SLC35D2: variants seen among roughly 807,000 people sequenced by gnomAD.
The protein encoded by SLC35D2 is solute carrier family 35 member D2.
Under a neutral mutation model 41.8 loss-of-function variants are expected in SLC35D2, and 43 were observed. That is an observed-to-expected ratio of 1.03 (90% CI 0.81 to 1.33). SLC35D2 has a LOEUF of 1.33. Ranked by LOEUF, SLC35D2 falls within the 40% of genes most tolerant of loss-of-function variation. SLC35D2 has a pLI of 0.00. For missense variants in SLC35D2, 380 were observed against 408.4 expected (o/e 0.93, Z 0.60); for synonymous variants, 150 against 163.9 (o/e 0.92, Z 0.65).
In SLC35D2 at chr9:96,358,761, G is replaced by A. The variant is rs151301066; in HGVS notation, c.347+1393C>T. Reference sequence around the variant, plus strand: ...CCAAGTACTTTGGGAGGCCAAGACAGGCAGATTACTTGAGGTCAGGAGTTC... The same window carrying A: ...CCAAGTACTTTGGGAGGCCAAGACAAGCAGATTACTTGAGGTCAGGAGTTC... On this transcript the variant is annotated intron_variant, in intron 4 of 11. Coordinates refer to ENST00000253270, the MANE Select transcript of SLC35D2 (RefSeq NM_007001.3). Among the ~76,000 whole-genome samples, 38 of 152,258 alleles carry A rather than the reference G, an allele frequency of 2.5e-4. No individual in the cohort carries two copies. In the East Asian group the frequency reaches 5.6e-3, roughly 22 times the overall value.
At chr9:96,317,897 G>C (rs1426191937), downstream of SLC35D2, among the ~76,000 whole-genome samples, 6 of 150,428 alleles carry the variant, frequency 4.0e-5, no homozygotes, top group East Asian at 1.2e-3. Context: ...GCCAGGCGTA[G>C]TGGCGTACGC....
In SLC35D2 at chr9:96,321,207, G is replaced by T; in HGVS notation, c.*35C>A. The T allele has an allele frequency of 6.6e-7, 1 of 1,517,750 alleles. No homozygotes were observed. Among genetic ancestry groups the T allele is most frequent in the Non-Finnish European group, 9.1e-7 (1 of 1,095,186 alleles). 94.0% of individuals were successfully genotyped at this position (1,517,750 alleles called of 1,614,324 possible). A position where few individuals can be genotyped will look rare whatever the true frequency, so the allele number is the denominator to read the frequency against. ...ACTGGGAATGCCCCCCCAGCCCGCA[G>T]TCACAAGTCAGTCTCCAATCCTGCT... On this transcript the variant is annotated 3_prime_UTR_variant, in exon 12 of 12. Transcript: ENST00000253270.
intron 11 of SLC35D2, 99 bp downstream of exon 11, chr9:96,321,899 G>A (rs2026002): frequency 0.14 from 94,733 of 701,358 alleles, 7,667 homozygotes; most frequent in East Asian, 0.25. Context: ...CTGGCTTAAC[G>A]TGAAAGACTT....
intron 7 of SLC35D2, among the ~76,000 whole-genome samples, chr9:96,344,220 AT>A: frequency 6.6e-6 from 1 of 152,212 alleles, no homozygotes; most frequent in South Asian, 2.1e-4. Context: ...GAGAAAACGC[AT>A]GGCAGTGGGA....
At chr9:96,331,032 G>A (rs1359280654) in intron 9 of SLC35D2, among the ~76,000 whole-genome samples, 1 of 152,176 alleles carries the variant, frequency 6.6e-6, no homozygotes, top group Non-Finnish European at 1.5e-5. Flanking sequence ...CAAGTACCTT[G>A]GATTACAGGG....
chr9:96,316,504 G>T (rs548262808), downstream of SLC35D2, among the ~76,000 whole-genome samples: 11 of 151,600 alleles, frequency 7.3e-5, no homozygotes, highest in South Asian at 1.7e-3. Flanking sequence ...AAAAAAAAAG[G>T]GGGGGAAGAT....
intron 4 of SLC35D2, among the ~76,000 whole-genome samples, chr9:96,353,943 A>C (rs1829916865): frequency 6.6e-6 from 1 of 152,184 alleles, no homozygotes; most frequent in Non-Finnish European, 1.5e-5. Context: ...TCAGCCACCC[A>C]TACCCCAGCA....
intron 8 of SLC35D2, among the ~76,000 whole-genome samples, chr9:96,342,494 T>C (rs1052550495): frequency 3.3e-5 from 5 of 152,132 alleles, no homozygotes; most frequent in African/African-American, 4.8e-5. Context: ...TGATTGATGG[T>C]AGCTGAAAAA....
intron 1 of SLC35D2, among the ~76,000 whole-genome samples, chr9:96,371,462 G>A (rs375978215): frequency 4.0e-4 from 27 of 67,594 alleles, no homozygotes; most frequent in South Asian, 7.3e-4. Flanking sequence ...GTGACAGAGC[G>A]AGACTCTGTC....
intron 1 of SLC35D2, among the ~76,000 whole-genome samples, chr9:96,380,225 T>C (rs1490564835): frequency 6.6e-6 from 1 of 152,026 alleles, no homozygotes; most frequent in East Asian, 1.9e-4. Flanking sequence ...AGGTGTCTTA[T>C]ATCATAAGTC....
chr9:96,317,984 C>T (rs1221967258), downstream of SLC35D2, among the ~76,000 whole-genome samples: 5 of 149,928 alleles, frequency 3.3e-5, no homozygotes, highest in Non-Finnish European at 5.9e-5. Flanking sequence ...TGTAGTGAGC[C>T]GAGATCATGC....
chr9:96,375,117 A>G (rs1477604211), intron 1 of SLC35D2, among the ~76,000 whole-genome samples: 22 of 148,918 alleles, frequency 1.5e-4, no homozygotes, highest in Admixed American at 6.7e-4. Context: ...TCAGCCTCCC[A>G]AGTAGCTGGG....
chr9:96,367,754 T>C (rs1411193853), intron 2 of SLC35D2, among the ~76,000 whole-genome samples: 3 of 151,116 alleles, frequency 2.0e-5, no homozygotes, highest in African/African-American at 7.3e-5. Context: ...CGCACTCCAG[T>C]CTGGGCGACA....
intron 10 of SLC35D2, 70 bp downstream of exon 10, chr9:96,324,021 G>T: frequency 7.3e-7 from 1 of 1,365,444 alleles, no homozygotes; most frequent in Non-Finnish European, 1.0e-6. Flanking sequence ...ATCAAACCCG[G>T]CCTCCCATGG....
At chr9:96,351,433 C>T (rs1242558881) in intron 5 of SLC35D2, among the ~76,000 whole-genome samples, 4 of 151,624 alleles carry the variant, frequency 2.6e-5, no homozygotes, top group Non-Finnish European at 5.9e-5. Context: ...AATACAGAAG[C>T]GCTCCTGCTG....
chr9:96,376,061 T>C (rs1830938726), intron 1 of SLC35D2, among the ~76,000 whole-genome samples: 1 of 150,322 alleles, frequency 6.7e-6, no homozygotes, highest in Non-Finnish European at 1.5e-5. Flanking sequence ...TTTGGGAGGC[T>C]GAGGCAGGCG....
At chr9:96,360,946 G>A (rs982784570) in intron 3 of SLC35D2, among the ~76,000 whole-genome samples, 5 of 151,858 alleles carry the variant, frequency 3.3e-5, no homozygotes, top group African/African-American at 4.8e-5. Flanking sequence ...TTTTGCCATG[G>A]TGGCCAGGCT....
At chr9:96,346,883 T>TC (rs1283870407) in intron 6 of SLC35D2, among the ~76,000 whole-genome samples, 20 of 150,394 alleles carry the variant, frequency 1.3e-4, no homozygotes, top group African/African-American at 4.6e-4. Flanking sequence ...CTGCCTGTAA[T>TC]CCCAGCACTT....
intron 1 of SLC35D2, among the ~76,000 whole-genome samples, chr9:96,376,388 C>A (rs577931372): frequency 4.0e-5 from 6 of 150,254 alleles, no homozygotes; most frequent in Non-Finnish European, 8.9e-5. Flanking sequence ...GGGTGGATCA[C>A]GAGGTCAGGA....
Sources: gnomAD v4.1 joint callset for allele counts (sites outside exome capture counted in the v4.1 genomes callset) on GRCh38, gnomAD v4.1.1 for gene constraint, MANE v1.5 for transcripts, NCBI Gene and HGNC (gene_info 2026-07-23, HGNC 2026-07-21) for gene names.